NAALADL2: variants seen among roughly 807,000 people sequenced by gnomAD.
NAALADL2 encodes inactive N-acetylated-alpha-linked acidic dipeptidase-like protein 2.
In NAALADL2, 76 loss-of-function variants were observed where a neutral mutation model predicts 87.2. That is an observed-to-expected ratio of 0.87 (90% confidence interval 0.72 to 1.05). The LOEUF is 1.05. Among genes scored for constraint, NAALADL2 ranks in the 50% least tolerant of loss-of-function variants. The probability of loss-of-function intolerance (pLI) is 0.00; values close to 1 mark genes in which losing one functional copy is unlikely to be tolerated. For missense variants in NAALADL2, 1,089 were observed against 945.8 expected (o/e 1.15, Z -1.99); for synonymous variants, 354 against 331.0 (o/e 1.07, Z -0.75).
intron 1 of NAALADL2, among the ~76,000 whole-genome samples, chr3:174,533,156 C>T (rs895362681): frequency 6.6e-6 from 1 of 151,170 alleles, no homozygotes; most frequent in African/African-American, 2.4e-5. Context: ...TTGTATGACC[C>T]AACCCCAGCC....
intron 5 of NAALADL2, among the ~76,000 whole-genome samples, chr3:175,420,548 CT>C (rs1330238482): frequency 1.3e-5 from 2 of 151,888 alleles, no homozygotes; most frequent in Non-Finnish European, 2.9e-5. Context: ...AATTTGAAAA[CT>C]TTTTTCTGTT....
chr3:175,263,177 C>G (rs1297997712), intron 4 of NAALADL2, among the ~76,000 whole-genome samples: 1 of 151,690 alleles, frequency 6.6e-6, no homozygotes, highest in Non-Finnish European at 1.5e-5. Context: ...TTCTGTTTTC[C>G]AATGATGGAA....
intron 11 of NAALADL2, among the ~76,000 whole-genome samples, chr3:175,630,535 G>T (rs1727614285): frequency 6.6e-6 from 1 of 150,976 alleles, no homozygotes; most frequent in Non-Finnish European, 1.5e-5. Flanking sequence ...TCTGAATTTT[G>T]TTTTTACTAT....
intron 4 of NAALADL2, among the ~76,000 whole-genome samples, chr3:175,305,045 T>C (rs2110252236): frequency 1.3e-5 from 2 of 152,274 alleles, no homozygotes; most frequent in Middle Eastern, 6.9e-3. Context: ...CTAGATGCTG[T>C]TGATTTGCTC....
chr3:174,664,674 G>T (rs1272205657), intron 2 of NAALADL2, among the ~76,000 whole-genome samples: 1 of 152,192 alleles, frequency 6.6e-6, no homozygotes, highest in Non-Finnish European at 1.5e-5. Context: ...TTAATGGTCT[G>T]AACATTTAGT....
At chr3:175,588,364 C>T (rs1473521239) in intron 10 of NAALADL2, among the ~76,000 whole-genome samples, 1 of 151,910 alleles carries the variant, frequency 6.6e-6, no homozygotes, top group Non-Finnish European at 1.5e-5. Context: ...ATACAGCAAA[C>T]CATTCCCAGG....
chr3:175,558,338 T>C (rs1715699819), intron 9 of NAALADL2, among the ~76,000 whole-genome samples: 1 of 152,172 alleles, frequency 6.6e-6, no homozygotes, highest in African/African-American at 2.4e-5. Context: ...TAATCCCTTG[T>C]CAGATGGATA....
At chr3:174,596,060 A>T (rs2108597454) in intron 2 of NAALADL2, among the ~76,000 whole-genome samples, 1 of 152,176 alleles carries the variant, frequency 6.6e-6, no homozygotes, top group South Asian at 2.1e-4. Flanking sequence ...ACACAAACAA[A>T]ACAACAAAAA....
At chr3:175,364,958 C>A (rs1581592159) in intron 5 of NAALADL2, among the ~76,000 whole-genome samples, 1 of 147,536 alleles carries the variant, frequency 6.8e-6, no homozygotes. Flanking sequence ...GGGGAAAGTA[C>A]ATTTCTGTTG....
intron 3 of NAALADL2, among the ~76,000 whole-genome samples, chr3:174,847,811 A>T (rs1240069644): frequency 6.7e-6 from 1 of 149,568 alleles, no homozygotes; most frequent in East Asian, 1.9e-4. Flanking sequence ...TTTGAAAAAA[A>T]AAAAAAGCAC....
chr3:174,898,695 A>G (rs1731927789), intron 1 of NAALADL2, among the ~76,000 whole-genome samples: 1 of 152,112 alleles, frequency 6.6e-6, no homozygotes, highest in Non-Finnish European at 1.5e-5. Context: ...TGTATGAAAA[A>G]AGACAGTCAC....
intron 2 of NAALADL2, among the ~76,000 whole-genome samples, chr3:175,185,677 T>C (rs1158565851): frequency 1.3e-5 from 2 of 151,530 alleles, no homozygotes; most frequent in Non-Finnish European, 1.5e-5. Context: ...GCACTGGGAA[T>C]GTCTTATTTC....
chr3:174,825,268 A>C (rs367561889), intron 3 of NAALADL2, among the ~76,000 whole-genome samples: 1 of 152,102 alleles, frequency 6.6e-6, no homozygotes, highest in East Asian at 1.9e-4. Flanking sequence ...TGAGGGCCGG[A>C]GGAGACATAG....
intron 4 of NAALADL2, among the ~76,000 whole-genome samples, chr3:175,293,036 C>CAAAAAAA (rs568981496): frequency 1.4e-4 from 7 of 49,410 alleles, no homozygotes; most frequent in African/African-American, 1.9e-4. Flanking sequence ...GACTCCGTCT[C>CAAAAAAA]AAAAAAAAAA....
rs959623502 is a variant in NAALADL2 at position 175,804,896 on chromosome 3, T to G, written c.*1693T>G. Reference sequence around the variant, plus strand: ...CATCGAAATTGCCTGTGTGCACATATTTTTAGATGAAAAATGAAACTACCT... The same window carrying G: ...CATCGAAATTGCCTGTGTGCACATAGTTTTAGATGAAAAATGAAACTACCT... On this transcript the variant is annotated 3_prime_UTR_variant, in exon 14 of 14. Transcript: ENST00000454872. 6.6e-6 allele frequency: 1 copy of G among 151,940 alleles called. No individual in the cohort carries two copies. The highest frequency in any genetic ancestry group is 2.4e-5 in the African/African-American group (1 of 41,420). The allele number at this position is 151,940 out of a possible 1,614,324, so 9.4% of individuals were successfully genotyped here.
chr3:175,561,241 C>T (rs1019224018), intron 9 of NAALADL2, among the ~76,000 whole-genome samples: 5 of 152,074 alleles, frequency 3.3e-5, no homozygotes, highest in African/African-American at 1.2e-4. Context: ...TGCATATACC[C>T]TATGCACATC....
intron 2 of NAALADL2, among the ~76,000 whole-genome samples, chr3:174,683,112 T>C (rs539937523): frequency 1.3e-5 from 2 of 152,220 alleles, no homozygotes; most frequent in South Asian, 4.1e-4. Flanking sequence ...AGTTGAGAAA[T>C]GCAATTGACA....
intron 2 of NAALADL2, among the ~76,000 whole-genome samples, chr3:174,719,228 G>T (rs193051103): frequency 6.6e-6 from 1 of 152,152 alleles, no homozygotes; most frequent in East Asian, 1.9e-4. Flanking sequence ...TCATATAGAT[G>T]GCACTAGGTA....
At chr3:174,592,590 C>G (rs1717488057) in intron 2 of NAALADL2, among the ~76,000 whole-genome samples, 1 of 152,082 alleles carries the variant, frequency 6.6e-6, no homozygotes, top group Non-Finnish European at 1.5e-5. Context: ...AAAGTAAATA[C>G]ATTTACTTGA....
Sources: gnomAD v4.1 joint callset for allele counts (sites outside exome capture counted in the v4.1 genomes callset) on GRCh38, gnomAD v4.1.1 for gene constraint, MANE v1.5 for transcripts, NCBI Gene and HGNC (gene_info 2026-07-23, HGNC 2026-07-21) for gene names.